MOXD1: variants seen among roughly 807,000 people sequenced by gnomAD.
The protein encoded by MOXD1 is DBH-like monooxygenase protein 1.
MOXD1 carries 62 observed loss-of-function variants against 66.6 expected under a neutral mutation model. That is an observed-to-expected ratio of 0.93 (90% CI 0.76 to 1.15). The LOEUF is 1.15. Ranked by LOEUF, MOXD1 falls within the 50% of genes most tolerant of loss-of-function variation. The pLI is 0.00. For synonymous variants in MOXD1, 303 were observed against 281.9 expected, an observed-to-expected ratio of 1.07 and a Z score of -0.75; for missense variants, 847 against 754.6, an observed-to-expected ratio of 1.12 and a Z score of -1.44.
At chr6:132,303,772 TACATATATAC>T (rs1414529267) in intron 10 of MOXD1, among the ~76,000 whole-genome samples, 1 of 137,334 alleles carries the variant, frequency 7.3e-6, no homozygotes, top group African/African-American at 2.7e-5. Flanking sequence ...TATATATACA[TACATATATAC>T]ACATATATAC....
intron 1 of MOXD1, among the ~76,000 whole-genome samples, chr6:132,380,427 C>T (rs1210208336): frequency 1.3e-5 from 2 of 151,970 alleles, no homozygotes; most frequent in African/African-American, 4.8e-5. Context: ...CTTCCCTATC[C>T]CCCTACTCTC....
intron 7 of MOXD1, 43 bp downstream of exon 7, chr6:132,323,888 T>G (rs1181546602): frequency 6.6e-7 from 1 of 1,507,634 alleles, no homozygotes; most frequent in Non-Finnish European, 8.9e-7. Context: ...CTAAGAGCAT[T>G]GATGAATCTG....
At chr6:132,399,674 A>AC (rs1582617709) in intron 1 of MOXD1, among the ~76,000 whole-genome samples, 1 of 152,346 alleles carries the variant, frequency 6.6e-6, no homozygotes, top group East Asian at 1.9e-4. Context: ...AGTATGTCCC[A>AC]TTTTATAATA....
In MOXD1 at chr6:132,380,824, T is replaced by C. The variant is rs1271364543; in HGVS notation, c.265-6047A>G. Among the ~76,000 whole-genome samples the C allele has an allele frequency of 2.0e-5, 3 of 152,214 alleles. No individual in the cohort carries two copies. The East Asian group carries it at 5.8e-4, about 29-fold the overall frequency. ...CGGATATGGATTGTGTTTAACCAGA[T>C]GCTAGAATGAGTTTGGGTCTGCATG... On this transcript the variant is annotated intron_variant, in intron 1 of 11. Coordinates refer to ENST00000367963, the MANE Select transcript of MOXD1 (RefSeq NM_015529.4).
chr6:132,322,740 T>C lies in MOXD1; in HGVS notation c.1244A>G (p.Asp415Gly). The stretch of plus-strand genomic sequence containing the variant: ...CTCCTGGAAATTGAAGTCAAAATCA[T>C]CATCATAGGCAAGTAATTTCATTTC... ...GKEMKLLAYD[D>G]DFDFNFQEFQ... Residue 415 changes from aspartate to glycine, a missense_variant, in exon 8 of 12, where the codon GAT (aspartate) becomes GGT (glycine). Transcript: ENST00000367963. 6.2e-7 allele frequency: 1 copy of C among 1,614,146 alleles called. No individual in the cohort carries two copies. The highest frequency in any genetic ancestry group is 8.5e-7 in the Non-Finnish European group (1 of 1,179,992).
chr6:132,395,627 C>T (rs72994872), intron 1 of MOXD1, among the ~76,000 whole-genome samples: 1 of 152,022 alleles, frequency 6.6e-6, no homozygotes, highest in Non-Finnish European at 1.5e-5. Context: ...ACACTGCTTA[C>T]CATACTCATC....
intron 1 of MOXD1, among the ~76,000 whole-genome samples, chr6:132,397,696 A>AAG (rs1333799896): frequency 5.4e-5 from 8 of 149,084 alleles, no homozygotes; most frequent in Non-Finnish European, 7.4e-5. Context: ...GAAAGAAAGA[A>AAG]AGAAAAAGAA....
At position 132,311,564 on chromosome 6, in the gene MOXD1, C is replaced by T. The variant is rs1029496351; in HGVS notation, c.1508+4071G>A. ...TTTTATGATCTATTTTGTCAACATT[C>T]GAGACCCTCTTCATAAAATATTATT... On this transcript the variant is annotated intron_variant, in intron 10 of 11. Coordinates refer to ENST00000367963, the MANE Select transcript of MOXD1 (RefSeq NM_015529.4). Among the ~76,000 whole-genome samples the T allele has an allele frequency of 3.9e-5, 6 of 151,970 alleles. No homozygotes were observed. In the East Asian group the frequency reaches 5.8e-4, roughly 15 times the overall value.
In MOXD1 at chr6:132,328,487, G is replaced by C. The variant is rs1375489830; in HGVS notation, c.771C>G (p.Cys257Trp). The change falls in exon 5 of 12, where the codon TGC becomes TGG. Residue 257 changes from cysteine (C) to tryptophan (W), a missense_variant. Coordinates refer to ENST00000367963, the MANE Select transcript of MOXD1 (RefSeq NM_015529.4). ...ATGCATCGGGCATGTTGGGGTGATA[G>C]CACTCGTGGCCGGACTCCAGAACGC... ...NDSVLESGHE[C>W]YHPNMPDAFL... 7 of 1,614,158 alleles carry C rather than the reference G, an allele frequency of 4.3e-6. No individual in the cohort carries two copies. In the South Asian group the frequency reaches 7.7e-5, roughly 18 times the overall value.
At chr6:132,386,169 G>A (rs1170805563) in intron 1 of MOXD1, among the ~76,000 whole-genome samples, 4 of 144,092 alleles carry the variant, frequency 2.8e-5, no homozygotes, top group Admixed American at 7.3e-5. Context: ...TTGGGAGGCC[G>A]AGGCGGGCGG....
chr6:132,324,509 T>C (rs1775147253), intron 6 of MOXD1, among the ~76,000 whole-genome samples: 1 of 152,258 alleles, frequency 6.6e-6, no homozygotes, highest in African/African-American at 2.4e-5. Context: ...ACATTTACTT[T>C]GAGGTAAAAC....
In MOXD1 at chr6:132,303,858, TATATATATATATATATATATAC is replaced by T. The variant is rs1562276460; in HGVS notation, c.1509-5925_1509-5904del. 1.4e-4 allele frequency among the ~76,000 whole-genome samples: 10 copies of T among 73,272 alleles called. No homozygotes were observed. In the African/African-American group the frequency reaches 1.4e-3, roughly 10 times the overall value. The allele number at this position is 73,272 out of a possible 152,430, so 48.1% of individuals were successfully genotyped here. A position where few individuals can be genotyped will look rare whatever the true frequency, so the allele number is the denominator to read the frequency against. On this transcript the variant is annotated intron_variant, in intron 10 of 11. Transcript: ENST00000367963. ...GTGTATATATATATATATATATATA[TATATATATATATATATATATAC>T]ATATATACATAAAACCTTAGGACAA...
intron 9 of MOXD1, among the ~76,000 whole-genome samples, chr6:132,318,667 G>A (rs141182545): frequency 3.3e-5 from 5 of 152,076 alleles, no homozygotes; most frequent in South Asian, 4.1e-4. Context: ...AAGCTTTGAC[G>A]TAGTCAAATT....
chr6:132,386,136 C>T lies in MOXD1; in HGVS notation c.265-11359G>A, dbSNP rs1241823095. 2.5e-4 allele frequency among the ~76,000 whole-genome samples: 33 copies of T among 133,650 alleles called. 1 individual carries two copies. The highest frequency in any genetic ancestry group is 3.1e-5 in the Non-Finnish European group (2 of 65,014). The allele number at this position is 133,650 out of a possible 152,430, so 87.7% of individuals were successfully genotyped here. A position where few individuals can be genotyped will look rare whatever the true frequency, so the allele number is the denominator to read the frequency against. ...AAAAAGAAAAGGCCAGGCGCGGTGGCTCACGCCTGTAATCCCAGCGCTTTG... is the reference window on the plus strand; with the variant it reads ...AAAAAGAAAAGGCCAGGCGCGGTGGTTCACGCCTGTAATCCCAGCGCTTTG... On this transcript the variant is annotated intron_variant, in intron 1 of 11. Coordinates refer to ENST00000367963, the MANE Select transcript of MOXD1 (RefSeq NM_015529.4).
chr6:132,350,895 G>T (rs1023489622), intron 4 of MOXD1, among the ~76,000 whole-genome samples: 1 of 151,524 alleles, frequency 6.6e-6, no homozygotes, highest in South Asian at 2.1e-4. Context: ...TTGTTTGTTT[G>T]TTTGCAGCTA....
intron 10 of MOXD1, among the ~76,000 whole-genome samples, chr6:132,312,707 T>A (rs137877408): frequency 1.1e-3 from 164 of 151,804 alleles, no homozygotes; most frequent in African/African-American, 3.8e-3. Context: ...AAAACCCAAC[T>A]TGAGTATTTC....
chr6:132,338,819 C>T (rs909805508), intron 4 of MOXD1, among the ~76,000 whole-genome samples: 2 of 152,160 alleles, frequency 1.3e-5, no homozygotes, highest in Non-Finnish European at 2.9e-5. Flanking sequence ...GATAATGAGG[C>T]TTACTTATAA....
At chr6:132,313,917 AAAAAAC>A (rs765194404) in intron 10 of MOXD1, among the ~76,000 whole-genome samples, 15 of 152,284 alleles carry the variant, frequency 9.9e-5, no homozygotes, top group Non-Finnish European at 1.6e-4. Flanking sequence ...CTCTGTCTCA[AAAAAAC>A]AAAAACAAAA....
At chr6:132,332,743 C>T (rs1775349101) in intron 4 of MOXD1, among the ~76,000 whole-genome samples, 1 of 152,190 alleles carries the variant, frequency 6.6e-6, no homozygotes, top group South Asian at 2.1e-4. Context: ...CTACCAATCC[C>T]CTGATGGAGG....
Sources: allele counts gnomAD v4.1 joint callset (sites outside exome capture counted in the v4.1 genomes callset), GRCh38; gene constraint gnomAD v4.1.1; transcripts MANE v1.5; gene names NCBI Gene and HGNC (gene_info 2026-07-23, HGNC 2026-07-21).